Variants in FCHSD2 observed in about 807,000 individuals in gnomAD.
FCHSD2 encodes FCH and double SH3 domains 2.
A neutral mutation model predicts 108.1 loss-of-function variants in FCHSD2; 38 were observed. That is an observed-to-expected ratio of 0.35 (90% CI 0.27 to 0.46). FCHSD2 has a LOEUF of 0.46. Ranked by LOEUF, FCHSD2 falls within the 20% of genes least tolerant of loss-of-function variation. The probability of loss-of-function intolerance (pLI) is 1.00; values close to 1 mark genes in which losing one functional copy is unlikely to be tolerated. For missense variants in FCHSD2, 751 were observed against 897.8 expected (o/e 0.84, Z 2.09); for synonymous variants, 279 against 314.7 (o/e 0.89, Z 1.20).
chr11:73,092,754 T>A (rs1859986707), intron 2 of FCHSD2, among the ~76,000 whole-genome samples: 1 of 152,156 alleles, frequency 6.6e-6, no homozygotes, highest in Non-Finnish European at 1.5e-5. Context: ...TTTGGTCACA[T>A]TATATCAGTT....
At chr11:73,118,535 T>C (rs1860657831) in intron 2 of FCHSD2, among the ~76,000 whole-genome samples, 2 of 152,224 alleles carry the variant, frequency 1.3e-5, no homozygotes, top group African/African-American at 4.8e-5. Flanking sequence ...CTGAATTCTT[T>C]CACTAAGAAT....
At chr11:72,980,735 TA>T (rs1857199948) in intron 8 of FCHSD2, among the ~76,000 whole-genome samples, 1 of 150,298 alleles carries the variant, frequency 6.7e-6, no homozygotes, top group Admixed American at 6.7e-5. Flanking sequence ...TATATATATG[TA>T]TATATGTGTG....
intron 4 of FCHSD2, among the ~76,000 whole-genome samples, chr11:73,005,812 C>T (rs1857727404): frequency 6.6e-6 from 1 of 151,416 alleles, no homozygotes; most frequent in African/African-American, 2.4e-5. Flanking sequence ...GGCCTACATT[C>T]ACTCTTTAGA....
chr11:73,091,570 A>C (rs1859959165), intron 2 of FCHSD2, among the ~76,000 whole-genome samples: 1 of 151,920 alleles, frequency 6.6e-6, no homozygotes, highest in African/African-American at 2.4e-5. Context: ...AAAAGAAAAG[A>C]AAGCAAATAT....
In FCHSD2 at chr11:72,846,181, C is replaced by CTTTTTTTTTTTT. The variant is rs35708688; in HGVS notation, c.1444-2661_1444-2650dup. On this transcript the variant is annotated intron_variant, in intron 14 of 19. Coordinates refer to ENST00000409418, the MANE Select transcript of FCHSD2 (RefSeq NM_014824.3). ...TGAGTAAGCTGCTCCTCCTTTTGCT[C>CTTTTTTTTTTTT]TTTTTTTTTTTTTTTTTGAGACGGA... 1.5e-5 allele frequency among the ~76,000 whole-genome samples: 2 copies of CTTTTTTTTTTTT among 137,120 alleles called. 1 individual carries two copies. 90.0% of individuals were successfully genotyped at this position (137,120 alleles called of 152,430 possible). A position where few individuals can be genotyped will look rare whatever the true frequency, so the allele number is the denominator to read the frequency against.
At chr11:73,054,513 C>T (rs1038178550) in intron 3 of FCHSD2, among the ~76,000 whole-genome samples, 1 of 151,722 alleles carries the variant, frequency 6.6e-6, no homozygotes, top group South Asian at 2.1e-4. Context: ...TAAAAAGAAT[C>T]GAAGTATAGT....
chr11:72,873,842 C>T (rs1854913480), intron 12 of FCHSD2, among the ~76,000 whole-genome samples: 2 of 152,330 alleles, frequency 1.3e-5, no homozygotes, highest in East Asian at 1.9e-4. Flanking sequence ...AACCAAAACT[C>T]AACTCAGTAT....
chr11:72,923,942 AAAAT>A (rs1213587129), intron 8 of FCHSD2, among the ~76,000 whole-genome samples: 2 of 152,046 alleles, frequency 1.3e-5, no homozygotes, highest in Non-Finnish European at 2.9e-5. Flanking sequence ...TCAGTCTCAG[AAAAT>A]AAATAAATAA....
At chr11:72,892,883 T>A (rs1297956033) in intron 10 of FCHSD2, among the ~76,000 whole-genome samples, 2 of 143,572 alleles carry the variant, frequency 1.4e-5, no homozygotes, top group Non-Finnish European at 3.0e-5. Context: ...GGATTACAGG[T>A]GTGAGCCACC....
chr11:72,872,354 T>C (rs1467912806), intron 12 of FCHSD2, among the ~76,000 whole-genome samples: 2 of 151,608 alleles, frequency 1.3e-5, no homozygotes, highest in African/African-American at 2.4e-5. Flanking sequence ...TGGCTTACAG[T>C]ATATTCATAG....
intron 7 of FCHSD2, among the ~76,000 whole-genome samples, chr11:72,984,571 T>G (rs770333193): frequency 3.3e-5 from 5 of 152,176 alleles, no homozygotes; most frequent in Non-Finnish European, 5.9e-5. Flanking sequence ...AGAAAACAGT[T>G]TTTTAAAAAT....
chr11:73,014,826 T>G (rs771432052), intron 4 of FCHSD2, among the ~76,000 whole-genome samples: 19 of 151,922 alleles, frequency 1.3e-4, no homozygotes, highest in Non-Finnish European at 2.1e-4. Flanking sequence ...ACTTCCAAAT[T>G]GACCTCAAAA....
chr11:72,856,139 T>C (rs1861423405), intron 13 of FCHSD2, among the ~76,000 whole-genome samples: 1 of 152,206 alleles, frequency 6.6e-6, no homozygotes, highest in South Asian at 2.1e-4. Context: ...AAATATCTAC[T>C]GTATGTAGAA....
chr11:72,876,142 T>G (rs78982391), intron 12 of FCHSD2, among the ~76,000 whole-genome samples: 2 of 151,968 alleles, frequency 1.3e-5, no homozygotes, highest in African/African-American at 2.4e-5. Flanking sequence ...CTGGGCAAAA[T>G]AGCAAGACCC....
intron 8 of FCHSD2, among the ~76,000 whole-genome samples, chr11:72,926,272 T>C (rs1011959077): frequency 4.6e-5 from 7 of 152,040 alleles, no homozygotes; most frequent in Admixed American, 1.3e-4. Context: ...TGGCTGCCCA[T>C]AGACCAATCC....
intron 3 of FCHSD2, among the ~76,000 whole-genome samples, chr11:73,059,106 G>A (rs1859102238): frequency 6.6e-6 from 1 of 152,126 alleles, no homozygotes; most frequent in Non-Finnish European, 1.5e-5. Context: ...AAGAAAATGA[G>A]ACTACTTTCA....
intron 13 of FCHSD2, among the ~76,000 whole-genome samples, chr11:72,863,679 G>C (rs529042770): frequency 3.3e-5 from 5 of 152,104 alleles, no homozygotes; most frequent in Admixed American, 3.3e-4. Flanking sequence ...ATTAAACAAA[G>C]ATTTGAACAG....
chr11:72,884,674 T>C (rs2135240665), intron 12 of FCHSD2, among the ~76,000 whole-genome samples: 1 of 151,884 alleles, frequency 6.6e-6, no homozygotes, highest in South Asian at 2.1e-4. Flanking sequence ...GGTCCAACCA[T>C]GGCTCACTGC....
chr11:72,841,540 G>A lies in FCHSD2; in HGVS notation c.1970C>T (p.Pro657Leu), dbSNP rs114942058. ...GCTGCTGGGAGGCTGGTCGTACAACGGCAGTGGAGGCAGGGAGGCGTGTGG... is the reference window on the plus strand; with the variant it reads ...GCTGCTGGGAGGCTGGTCGTACAACAGCAGTGGAGGCAGGGAGGCGTGTGG... ...PKPHASLPPL[P>L]LYDQPPSSPY... The change falls in exon 18 of 20, where the codon CCG becomes CTG. Residue 657 changes from proline to leucine, a missense_variant. By Grantham distance (98) the Pro-to-Leu change is moderately conservative. Transcript: ENST00000409418. The A allele has an allele frequency of 9.3e-4, 1,502 of 1,611,086 alleles. 18 individuals carry two copies. In the African/African-American group the frequency reaches 0.017, roughly 19 times the overall value.
Sources: gnomAD v4.1 joint callset for allele counts (sites outside exome capture counted in the v4.1 genomes callset) on GRCh38, gnomAD v4.1.1 for gene constraint, MANE v1.5 for transcripts, NCBI Gene and HGNC (gene_info 2026-07-23, HGNC 2026-07-21) for gene names.